Variants in MCPH1 observed in about 807,000 individuals in gnomAD.
MCPH1 encodes the protein microcephalin.
Under a neutral mutation model 84.5 loss-of-function variants are expected in MCPH1, and 104 were observed. The observed-to-expected ratio is 1.23, with a 90% confidence interval of 1.05 to 1.45. The LOEUF is 1.45. MCPH1 is among the 40% of genes most tolerant of loss of function. MCPH1 has a pLI of 0.00. For synonymous variants in MCPH1, 514 were observed against 366.8 expected, an observed-to-expected ratio of 1.40 and a Z score of -4.58; for missense variants, 1,498 against 1,005.7, an observed-to-expected ratio of 1.49 and a Z score of -6.62.
At chr8:6,434,814 A>G (rs1166467754) in intron 4 of MCPH1, among the ~76,000 whole-genome samples, 1 of 152,196 alleles carries the variant, frequency 6.6e-6, no homozygotes, top group South Asian at 2.1e-4. Context: ...GCTGAAAACG[A>G]AGGAACCTAG....
intron 12 of MCPH1, among the ~76,000 whole-genome samples, chr8:6,569,507 C>A (rs2129576383): frequency 6.6e-6 from 1 of 152,218 alleles, no homozygotes; most frequent in Middle Eastern, 3.4e-3. Context: ...AAAAAAGTAC[C>A]AAAGGAAAGC....
intron 3 of MCPH1, among the ~76,000 whole-genome samples, chr8:6,429,169 G>T (rs1801481944): frequency 6.6e-6 from 1 of 152,190 alleles, no homozygotes; most frequent in Non-Finnish European, 1.5e-5. Context: ...GAAGTTGTGT[G>T]TTAGGCTGAA....
At chr8:6,502,741 T>G (rs1359359292) in intron 12 of MCPH1, 1 of 266,642 alleles carries the variant, frequency 3.8e-6, no homozygotes, top group African/African-American at 2.2e-5. Flanking sequence ...TGATCTGTAT[T>G]GTATAACATA....
At chr8:6,534,785 ATCTT>A (rs1429503291) in intron 12 of MCPH1, among the ~76,000 whole-genome samples, 3 of 152,164 alleles carry the variant, frequency 2.0e-5, no homozygotes, top group African/African-American at 4.8e-5. Flanking sequence ...AGTGTGTGTG[ATCTT>A]TCTTAATTCA....
chr8:6,567,150 G>C (rs1336177956), intron 12 of MCPH1, among the ~76,000 whole-genome samples: 1 of 126,734 alleles, frequency 7.9e-6, no homozygotes. Flanking sequence ...CAAGGCCATG[G>C]ATAGTGCCCG....
intron 3 of MCPH1, among the ~76,000 whole-genome samples, chr8:6,416,269 GCATGTTATGTCATGT>G (rs1424754051): frequency 4.6e-5 from 5 of 109,356 alleles, no homozygotes; most frequent in African/African-American, 1.4e-4. Flanking sequence ...TAGTCTGGCC[GCATGTTATGTCATGT>G]CATGTCATGT....
chr8:6,420,119 T>C (rs1405670285), intron 3 of MCPH1, among the ~76,000 whole-genome samples: 1 of 151,778 alleles, frequency 6.6e-6, no homozygotes, highest in South Asian at 2.1e-4. Flanking sequence ...TAAATGTTTT[T>C]CTCTTAGTTT....
chr8:6,603,848 C>T (rs141805829), intron 12 of MCPH1, among the ~76,000 whole-genome samples: 156 of 152,322 alleles, frequency 1.0e-3, no homozygotes, highest in African/African-American at 3.7e-3. Context: ...CATTAAAAAG[C>T]AGGTCTACTA....
At chr8:6,492,676 G>T (rs1810758413) in intron 11 of MCPH1, among the ~76,000 whole-genome samples, 1 of 146,358 alleles carries the variant, frequency 6.8e-6, no homozygotes, top group African/African-American at 2.5e-5. Flanking sequence ...TAAATTTTTA[G>T]AATATTAAAA....
intron 12 of MCPH1, among the ~76,000 whole-genome samples, chr8:6,606,537 C>T (rs17631643): frequency 0.046 from 7,065 of 152,232 alleles, 289 homozygotes; most frequent in Admixed American, 0.12. Flanking sequence ...CAGTGCCTGT[C>T]GACCAGGGAG....
intron 13 of MCPH1, among the ~76,000 whole-genome samples, chr8:6,630,084 C>T (rs545990375): frequency 6.6e-6 from 1 of 152,136 alleles, no homozygotes; most frequent in African/African-American, 2.4e-5. Context: ...TGCTTGAAAA[C>T]AAATGGATGG....
intron 12 of MCPH1, among the ~76,000 whole-genome samples, chr8:6,610,500 G>C (rs2129579226): frequency 6.6e-6 from 1 of 152,228 alleles, no homozygotes; most frequent in Non-Finnish European, 1.5e-5. Context: ...TCGACTCTTA[G>C]CAAAAGCCAT....
chr8:6,538,094 A>G (rs1163000229), intron 12 of MCPH1, among the ~76,000 whole-genome samples: 2 of 151,378 alleles, frequency 1.3e-5, no homozygotes, highest in South Asian at 2.1e-4. Flanking sequence ...ACCATCTCTC[A>G]CACACACATA....
chr8:6,460,717 G>C (rs1393073747), intron 9 of MCPH1, among the ~76,000 whole-genome samples: 1 of 151,784 alleles, frequency 6.6e-6, no homozygotes, highest in East Asian at 1.9e-4. Context: ...TTCCTAGCAG[G>C]GACTGAGATG....
At chr8:6,611,085 T>G (rs928625422) in intron 12 of MCPH1, among the ~76,000 whole-genome samples, 2 of 151,478 alleles carry the variant, frequency 1.3e-5, no homozygotes, top group Non-Finnish European at 2.9e-5. Flanking sequence ...CTGCTTCTAC[T>G]GTTGCTACAC....
At chr8:6,513,939 C>G (rs1815714679) in intron 12 of MCPH1, 3 of 1,193,284 alleles carry the variant, frequency 2.5e-6, no homozygotes, top group African/African-American at 1.6e-5. Flanking sequence ...GAATAACTAT[C>G]AAATAGCAGA....
At chr8:6,434,595 A>C (rs553735966) in intron 4 of MCPH1, among the ~76,000 whole-genome samples, 65 of 152,312 alleles carry the variant, frequency 4.3e-4, no homozygotes, top group Admixed American at 1.2e-3. Flanking sequence ...GATGACAAGG[A>C]TCTTTCTAGG....
At position 6,640,941 on chromosome 8, in the gene MCPH1, A is replaced by G. The variant is rs1797899264; in HGVS notation, c.2453-2053A>G. On this transcript the variant is annotated intron_variant, in intron 13 of 13. Transcript: ENST00000344683. Reference sequence around the variant, plus strand: ...GTCATCTCTTACATTCCCACATGGTATGGGTGTGTTTCTGGTTATTCTCGT... The same window carrying G: ...GTCATCTCTTACATTCCCACATGGTGTGGGTGTGTTTCTGGTTATTCTCGT... 2.0e-5 allele frequency among the ~76,000 whole-genome samples: 3 copies of G among 152,134 alleles called. No individual in the cohort carries two copies. The South Asian group carries it at 6.2e-4, about 32-fold the overall frequency.
At chr8:6,625,559 C>T (rs1293144882) in intron 13 of MCPH1, 1 of 982,864 alleles carries the variant, frequency 1.0e-6, no homozygotes, top group East Asian at 1.1e-4. Flanking sequence ...TATGAAAAGA[C>T]AATACTCAAA....
Sources: gnomAD v4.1 joint callset for allele counts (sites outside exome capture counted in the v4.1 genomes callset) on GRCh38, gnomAD v4.1.1 for gene constraint, MANE v1.5 for transcripts, NCBI Gene and HGNC (gene_info 2026-07-23, HGNC 2026-07-21) for gene names.